Variants in PADI2 observed in about 807,000 individuals in gnomAD.
PADI2 encodes protein-arginine deiminase type-2.
Under a neutral mutation model 81.1 loss-of-function variants are expected in PADI2, and 70 were observed. The ratio of observed to expected loss-of-function variants is 0.86; its 90% confidence interval spans 0.71 to 1.05. The LOEUF is 1.05. PADI2 is among the 50% of genes least tolerant of loss of function. The pLI, the probability that PADI2 is intolerant of heterozygous loss-of-function variation, is 0.00. For missense variants in PADI2, 853 were observed against 889.9 expected (o/e 0.96, Z 0.53); for synonymous variants, 338 against 358.0 (o/e 0.94, Z 0.63).
intron 11 of PADI2, among the ~76,000 whole-genome samples, chr1:17,077,100 T>G (rs2078309528): frequency 6.6e-6 from 1 of 152,132 alleles, no homozygotes; most frequent in African/African-American, 2.4e-5. Context: ...CTGTATGGAA[T>G]GCGCTTCCTT....
chr1:17,067,476 C>CA lies in PADI2; in HGVS notation c.*1567dup, dbSNP rs2078231080. 6.6e-6 allele frequency: 1 copy of CA among 152,304 alleles called. No homozygotes were observed. The highest frequency in any genetic ancestry group is 1.5e-5 in the Non-Finnish European group (1 of 68,156). The allele number at this position is 152,304 out of a possible 1,614,324, so 9.4% of individuals were successfully genotyped here. A position where few individuals can be genotyped will look rare whatever the true frequency, so the allele number is the denominator to read the frequency against. On this transcript the variant is annotated 3_prime_UTR_variant, in exon 16 of 16. Coordinates refer to ENST00000375486, the MANE Select transcript of PADI2 (RefSeq NM_007365.3). ...GGGGGCCTGTTTAAAGAAGACCCCCCACCCCCACTGCCCATTTCACCACAA... is the reference window on the plus strand; with the variant it reads ...GGGGGCCTGTTTAAAGAAGACCCCCCAACCCCCACTGCCCATTTCACCACAA...
chr1:17,086,404 A>G (rs1370231545), intron 7 of PADI2, 117 bp downstream of exon 7: 5 of 821,886 alleles, frequency 6.1e-6, no homozygotes, highest in Non-Finnish European at 9.3e-6. Flanking sequence ...CCTAGCCTGG[A>G]CCCACCCCTT....
At chr1:17,101,614 C>A (rs776168563) in intron 3 of PADI2, among the ~76,000 whole-genome samples, 19 of 152,172 alleles carry the variant, frequency 1.2e-4, no homozygotes, top group Non-Finnish European at 2.5e-4. Context: ...GGGGGACCAG[C>A]AACCAAGCCC....
chr1:17,078,574 G>C (rs1260783359), intron 11 of PADI2, among the ~76,000 whole-genome samples: 1 of 152,074 alleles, frequency 6.6e-6, no homozygotes, highest in Non-Finnish European at 1.5e-5. Context: ...TTTTAGTAAA[G>C]ACAAAGTTTT....
chr1:17,072,474 T>C (rs1162161114), intron 13 of PADI2, among the ~76,000 whole-genome samples: 2 of 152,194 alleles, frequency 1.3e-5, no homozygotes, highest in Non-Finnish European at 2.9e-5. Context: ...TTATCATCTT[T>C]TAAAGGGATG....
intron 1 of PADI2, among the ~76,000 whole-genome samples, chr1:17,110,272 T>G (rs1371188938): frequency 6.6e-6 from 1 of 151,906 alleles, no homozygotes; most frequent in Non-Finnish European, 1.5e-5. Context: ...TTGGGGGTGG[T>G]TATGACCTTC....
intron 4 of PADI2, 63 bp downstream of exon 4, chr1:17,095,846 A>T (rs1930903742): frequency 3.0e-6 from 4 of 1,325,498 alleles, no homozygotes; most frequent in Non-Finnish European, 4.3e-6. Context: ...TGCCTGCGGG[A>T]TCTGGGGCTG....
At chr1:17,082,953 C>T (rs2078356096) in intron 9 of PADI2, 1 of 248,074 alleles carries the variant, frequency 4.0e-6, no homozygotes. Flanking sequence ...CCACTGCAGC[C>T]TCAAACTCCT....
At chr1:17,075,525 C>T in intron 12 of PADI2, 154 bp downstream of exon 12, 1 of 628,728 alleles carries the variant, frequency 1.6e-6, no homozygotes, top group Non-Finnish European at 2.6e-6. Flanking sequence ...AAAATTTTAC[C>T]TGCCACAGCA....
At chr1:17,072,814 T>A (rs1045951085) in intron 13 of PADI2, among the ~76,000 whole-genome samples, 3 of 152,204 alleles carry the variant, frequency 2.0e-5, no homozygotes, top group African/African-American at 7.2e-5. Flanking sequence ...CTTGCCCCTA[T>A]TTGTACAAAA....
chr1:17,104,431 C>CTTTTTTTTTTTTTTTTTT lies in PADI2; in HGVS notation c.276+429_276+446dup, dbSNP rs1217484961. Among the ~76,000 whole-genome samples, 5 of 79,814 alleles carry CTTTTTTTTTTTTTTTTTT rather than the reference C, an allele frequency of 6.3e-5. 1 individual carries two copies. Among genetic ancestry groups the CTTTTTTTTTTTTTTTTTT allele is most frequent in the African/African-American group, 2.5e-4 (5 of 20,238 alleles). The allele number at this position is 79,814 out of a possible 152,430, so 52.4% of individuals were successfully genotyped here. On this transcript the variant is annotated intron_variant, in intron 2 of 15. Transcript: ENST00000375486. ...TTTCACCTGTTTCTTTTTGCCTTTTCTTTTTTTTTTTTTTTTTTTTTGAGA... is the reference window on the plus strand; with the variant it reads ...TTTCACCTGTTTCTTTTTGCCTTTTCTTTTTTTTTTTTTTTTTTTTTTTTTTTTTTTTTTTTTTTGAGA...
chr1:17,084,828 C>G, intron 7 of PADI2, 126 bp from the exon 8 acceptor site: 2 of 624,292 alleles, frequency 3.2e-6, no homozygotes, highest in Non-Finnish European at 2.9e-6. Flanking sequence ...ATGCACCAAG[C>G]CTGTGCTAAG....
At chr1:17,106,899 G>C (rs1931400336) in intron 1 of PADI2, among the ~76,000 whole-genome samples, 1 of 151,576 alleles carries the variant, frequency 6.6e-6, no homozygotes, top group Non-Finnish European at 1.5e-5. Context: ...TGCAGGCCAG[G>C]AAGAAAGCCG....
chr1:17,109,387 A>C (rs1931493980), intron 1 of PADI2, among the ~76,000 whole-genome samples: 1 of 36,578 alleles, frequency 2.7e-5, no homozygotes, highest in Non-Finnish European at 4.5e-5. Flanking sequence ...GACTCTGTCT[A>C]TTAAAAAAAA....
chr1:17,087,488 G>GTTTATTTATTTA (rs372378095), intron 6 of PADI2, among the ~76,000 whole-genome samples: 23,992 of 136,362 alleles, frequency 0.18, 2,416 homozygotes, highest in East Asian at 0.46. Flanking sequence ...ATGTTTGTTT[G>GTTTATTTATTTA]TTTGTTTATT....
chr1:17,081,709 G>A (rs1018107718), intron 10 of PADI2, among the ~76,000 whole-genome samples: 1 of 152,170 alleles, frequency 6.6e-6, no homozygotes, highest in African/African-American at 2.4e-5. Flanking sequence ...GATTGGTTTC[G>A]GTTCTAACTT....
intron 10 of PADI2, 48 bp downstream of exon 10, chr1:17,082,497 G>A (rs768393170): frequency 1.7e-5 from 20 of 1,207,624 alleles, no homozygotes; most frequent in Non-Finnish European, 2.3e-5. Context: ...TGTCTTATGA[G>A]AATCTCCAGG....
At chr1:17,112,936 T>C (rs1931634638) in intron 1 of PADI2, among the ~76,000 whole-genome samples, 1 of 152,190 alleles carries the variant, frequency 6.6e-6, no homozygotes, top group African/African-American at 2.4e-5. Context: ...GCCCTTTCTG[T>C]CTCTGTGTGC....
chr1:17,097,152 C>T (rs1930965726), intron 3 of PADI2, among the ~76,000 whole-genome samples: 1 of 152,216 alleles, frequency 6.6e-6, no homozygotes, highest in Non-Finnish European at 1.5e-5. Context: ...GTGGGCTCAT[C>T]TCACGCTGAG....
Sources: gnomAD v4.1 joint callset for allele counts (sites outside exome capture counted in the v4.1 genomes callset) on GRCh38, gnomAD v4.1.1 for gene constraint, MANE v1.5 for transcripts, NCBI Gene and HGNC (gene_info 2026-07-23, HGNC 2026-07-21) for gene names.